The following SEMA6A variants were observed in gnomAD, a reference collection of about 807,000 sequenced individuals.
The protein encoded by SEMA6A is semaphorin-6A.
A neutral mutation model predicts 96.8 loss-of-function variants in SEMA6A; 25 were observed. The observed-to-expected ratio is 0.26, with a 90% CI of 0.19 to 0.36. SEMA6A has a LOEUF of 0.36. Among genes scored for constraint, SEMA6A ranks in the 10% least tolerant of loss-of-function variants. SEMA6A has a pLI of 1.00. For synonymous variants in SEMA6A, 612 were observed against 518.0 expected, an observed-to-expected ratio of 1.18 and a Z score of -2.46; for missense variants, 1,363 against 1,323.1, an observed-to-expected ratio of 1.03 and a Z score of -0.47.
intron 1 of SEMA6A, among the ~76,000 whole-genome samples, chr5:116,509,677 C>A (rs1758319289): frequency 6.6e-6 from 1 of 151,964 alleles, no homozygotes; most frequent in Non-Finnish European, 1.5e-5. Context: ...GGTCATGTAA[C>A]ACATTCCAAA....
At chr5:116,548,293 C>G (rs1173802105) in intron 1 of SEMA6A, among the ~76,000 whole-genome samples, 1 of 152,174 alleles carries the variant, frequency 6.6e-6, no homozygotes, top group Non-Finnish European at 1.5e-5. Context: ...GGTGGCTGAA[C>G]AGTAGTTCTC....
At chr5:116,492,508 G>C (rs932003557) in intron 6 of SEMA6A, 1 of 152,084 alleles carries the variant, frequency 6.6e-6, no homozygotes, top group African/African-American at 2.4e-5. Context: ...ACAGCTATCA[G>C]GTACAGATAA....
intron 1 of SEMA6A, among the ~76,000 whole-genome samples, chr5:116,519,664 TACACACACACACACAC>T (rs72233200): frequency 1.0e-4 from 15 of 146,934 alleles, no homozygotes; most frequent in Admixed American, 4.1e-4. Flanking sequence ...ATGCTGTGTG[TACACACACACACACAC>T]ACACACACAC....
intron 17 of SEMA6A, chr5:116,467,948 T>C: frequency 1.7e-6 from 1 of 576,994 alleles, no homozygotes; most frequent in East Asian, 3.0e-5. Context: ...CCATTGAACT[T>C]GTAGTTAGAA....
At chr5:116,478,759 TATC>T in intron 12 of SEMA6A, 41 bp from the exon 13 acceptor site, 1 of 1,594,494 alleles carries the variant, frequency 6.3e-7, no homozygotes, top group Non-Finnish European at 8.6e-7. Context: ...TTTGTTGGTC[TATC>T]ATTAAAGTGT....
intron 1 of SEMA6A, among the ~76,000 whole-genome samples, chr5:116,548,261 T>C (rs981554044): frequency 6.6e-6 from 1 of 152,176 alleles, no homozygotes; most frequent in Non-Finnish European, 1.5e-5. Context: ...CTCGATACTG[T>C]ACATTTAGAT....
At chr5:116,459,996 CTA>C (rs1305526018) in intron 18 of SEMA6A, among the ~76,000 whole-genome samples, 4 of 152,066 alleles carry the variant, frequency 2.6e-5, no homozygotes, top group Non-Finnish European at 4.4e-5. Context: ...CATTATTAAA[CTA>C]TTATTTTTTA....
intron 1 of SEMA6A, among the ~76,000 whole-genome samples, chr5:116,535,018 G>T (rs1759648347): frequency 6.6e-6 from 1 of 152,204 alleles, no homozygotes; most frequent in African/African-American, 2.4e-5. Flanking sequence ...CTCTCAGCCT[G>T]GGGAAGAAAA....
intron 18 of SEMA6A, among the ~76,000 whole-genome samples, chr5:116,459,416 A>G (rs776020378): frequency 2.6e-5 from 4 of 151,924 alleles, no homozygotes; most frequent in Non-Finnish European, 5.9e-5. Flanking sequence ...TTTCTTCCCA[A>G]CGTCTACCTT....
chr5:116,502,858 C>T (rs1757952945), intron 2 of SEMA6A, among the ~76,000 whole-genome samples: 1 of 152,198 alleles, frequency 6.6e-6, no homozygotes, highest in African/African-American at 2.4e-5. Flanking sequence ...TGAAGGCAGC[C>T]CCTGAGAGGT....
intron 1 of SEMA6A, among the ~76,000 whole-genome samples, chr5:116,531,607 A>C (rs1253506378): frequency 6.6e-6 from 1 of 152,072 alleles, no homozygotes; most frequent in Non-Finnish European, 1.5e-5. Flanking sequence ...TACTTGGGGG[A>C]AGGGGGTTCT....
chr5:116,504,651 C>CA (rs1459435785), intron 2 of SEMA6A, among the ~76,000 whole-genome samples, 194 bp downstream of exon 2: 3 of 152,204 alleles, frequency 2.0e-5, no homozygotes, highest in Non-Finnish European at 4.4e-5. Flanking sequence ...CACGTGTCCC[C>CA]ACAACAACAT....
chr5:116,495,968 C>T (rs555002142), intron 5 of SEMA6A: 12 of 386,746 alleles, frequency 3.1e-5, no homozygotes, highest in South Asian at 2.4e-4. Flanking sequence ...TGGGCATCGG[C>T]GTACACTCAG....
intron 6 of SEMA6A, 48 bp from the exon 7 acceptor site, chr5:116,491,878 G>C (rs908751100): frequency 7.0e-7 from 1 of 1,426,364 alleles, no homozygotes; most frequent in Admixed American, 1.7e-5. Flanking sequence ...CTTTTCTTTT[G>C]CCCTAAACCC....
intron 1 of SEMA6A, among the ~76,000 whole-genome samples, chr5:116,563,287 G>A (rs1177409495): frequency 6.6e-6 from 1 of 152,144 alleles, no homozygotes; most frequent in African/African-American, 2.4e-5. Flanking sequence ...ATTTTGATAG[G>A]TAAATTCCTT....
intron 1 of SEMA6A, among the ~76,000 whole-genome samples, chr5:116,511,692 C>T (rs960788076): frequency 3.9e-4 from 60 of 152,198 alleles, no homozygotes; most frequent in African/African-American, 1.4e-3. Flanking sequence ...CCTCATTCCA[C>T]TTTATGGCCC....
chr5:116,511,177 C>G (rs1039883047), intron 1 of SEMA6A, among the ~76,000 whole-genome samples: 1 of 152,156 alleles, frequency 6.6e-6, no homozygotes, highest in Admixed American at 6.5e-5. Context: ...TGTATGTAAC[C>G]TATACACATC....
intron 18 of SEMA6A, among the ~76,000 whole-genome samples, chr5:116,451,752 A>G (rs576776141): frequency 6.6e-6 from 1 of 151,758 alleles, no homozygotes; most frequent in South Asian, 2.1e-4. Flanking sequence ...AGTCATGGAA[A>G]TAAATTCTAT....
intron 1 of SEMA6A, among the ~76,000 whole-genome samples, chr5:116,508,623 C>A (rs1264204579): frequency 1.8e-4 from 27 of 152,146 alleles, no homozygotes; most frequent in Admixed American, 1.7e-3. Flanking sequence ...AAGAAAACAA[C>A]TAAATTAGCA....
Sources: gnomAD v4.1 joint callset for allele counts (sites outside exome capture counted in the v4.1 genomes callset) on GRCh38, gnomAD v4.1.1 for gene constraint, MANE v1.5 for transcripts, NCBI Gene and HGNC (gene_info 2026-07-23, HGNC 2026-07-21) for gene names.